The following RORB variants were observed in gnomAD, a reference collection of about 807,000 sequenced individuals.
The protein encoded by RORB is nuclear receptor ROR-beta.
A neutral mutation model predicts 59.1 loss-of-function variants in RORB; 6 were observed. That is an observed-to-expected ratio of 0.10 (90% confidence interval 0.06 to 0.20). The LOEUF (loss-of-function observed/expected upper bound fraction) is 0.20, where lower values mean the gene tolerates loss of function less well. Ranked by LOEUF, RORB falls within the 10% of genes least tolerant of loss-of-function variation. The pLI is 1.00. For missense variants in RORB, 320 were observed against 560.5 expected, an observed-to-expected ratio of 0.57 and a Z score of 4.33; for synonymous variants, 215 against 204.5, an observed-to-expected ratio of 1.05 and a Z score of -0.44.
chr9:74,662,358 A>T, intron 5 of RORB, 116 bp from the exon 6 acceptor site: 6 of 960,458 alleles, frequency 6.2e-6, no homozygotes, highest in Non-Finnish European at 9.5e-6. Context: ...GAATCATATA[A>T]ATTCCCTCCT....
At chr9:74,543,606 A>ATT (rs146569177) in intron 1 of RORB, among the ~76,000 whole-genome samples, 7 of 150,754 alleles carry the variant, frequency 4.6e-5, no homozygotes, top group Non-Finnish European at 7.4e-5. Context: ...TTTGAGTTTA[A>ATT]TTTTTTTTTT....
At chr9:74,521,350 G>GGAATTA (rs1826083085) in intron 1 of RORB, among the ~76,000 whole-genome samples, 1 of 151,756 alleles carries the variant, frequency 6.6e-6, no homozygotes, top group African/African-American at 2.4e-5. Context: ...ATTAACTAAA[G>GGAATTA]TGTTTCTTTT....
intron 3 of RORB, among the ~76,000 whole-genome samples, chr9:74,639,634 G>A (rs1823762258): frequency 6.6e-6 from 1 of 151,850 alleles, no homozygotes; most frequent in South Asian, 2.1e-4. Flanking sequence ...AAGTCGGAAA[G>A]TAGATCTACC....
chr9:74,638,606 TAAG>T (rs1477117017), intron 3 of RORB, among the ~76,000 whole-genome samples: 2 of 152,346 alleles, frequency 1.3e-5, no homozygotes, highest in South Asian at 2.1e-4. Flanking sequence ...TATGTAGTGA[TAAG>T]AAGAATGCTA....
chr9:74,500,800 T>C (rs1426833403), intron 1 of RORB, among the ~76,000 whole-genome samples: 1 of 152,126 alleles, frequency 6.6e-6, no homozygotes, highest in Non-Finnish European at 1.5e-5. Context: ...TTGACGTCCT[T>C]GTCCTGCCCC....
chr9:74,621,718 A>G, intron 1 of RORB, among the ~76,000 whole-genome samples: 1 of 152,210 alleles, frequency 6.6e-6, no homozygotes, highest in South Asian at 2.1e-4. Flanking sequence ...ATAAGCAAAC[A>G]TTCCATTTGT....
At chr9:74,585,139 G>A (rs1282004727) in intron 1 of RORB, among the ~76,000 whole-genome samples, 1 of 152,160 alleles carries the variant, frequency 6.6e-6, no homozygotes, top group Non-Finnish European at 1.5e-5. Flanking sequence ...ATAGATAAAT[G>A]CAGCCATTTT....
chr9:74,534,183 C>T (rs1826288443), intron 1 of RORB, among the ~76,000 whole-genome samples: 1 of 151,916 alleles, frequency 6.6e-6, no homozygotes, highest in Non-Finnish European at 1.5e-5. Flanking sequence ...AGACTAAATG[C>T]CTTTTAGCAC....
At chr9:74,639,072 A>T (rs1488535466) in intron 3 of RORB, among the ~76,000 whole-genome samples, 2 of 152,202 alleles carry the variant, frequency 1.3e-5, no homozygotes, top group African/African-American at 4.8e-5. Context: ...GCTTGTGATT[A>T]TGATGTCTGT....
chr9:74,536,169 T>C (rs1374261557), intron 1 of RORB, among the ~76,000 whole-genome samples: 5 of 152,072 alleles, frequency 3.3e-5, no homozygotes, highest in Admixed American at 6.6e-5. Flanking sequence ...AGATAATTAA[T>C]ATAACATCTT....
intron 9 of RORB, among the ~76,000 whole-genome samples, chr9:74,681,846 C>CAGTT (rs1824552715): frequency 6.6e-6 from 1 of 152,152 alleles, no homozygotes; most frequent in African/African-American, 2.4e-5. Context: ...TTGTGAGTCA[C>CAGTT]AGTTAGTAAA....
intron 5 of RORB, 131 bp downstream of exon 5, chr9:74,660,869 T>A: frequency 1.1e-6 from 1 of 891,534 alleles, no homozygotes; most frequent in Non-Finnish European, 1.7e-6. Flanking sequence ...GTTCGATACT[T>A]ACCAGCATCC....
At chr9:74,509,317 C>A (rs1825905015) in intron 1 of RORB, among the ~76,000 whole-genome samples, 1 of 151,834 alleles carries the variant, frequency 6.6e-6, no homozygotes. Flanking sequence ...TTTATCTTTC[C>A]ATAATTATTC....
chr9:74,503,505 C>A (rs1825829051), intron 1 of RORB, among the ~76,000 whole-genome samples: 1 of 151,864 alleles, frequency 6.6e-6, no homozygotes. Context: ...CCAGAGCATT[C>A]AAAGGGAAGA....
At chr9:74,637,778 CAT>C (rs1230418250) in intron 3 of RORB, among the ~76,000 whole-genome samples, 1 of 152,128 alleles carries the variant, frequency 6.6e-6, no homozygotes, top group African/African-American at 2.4e-5. Context: ...GCCCAATCCA[CAT>C]GTCACTATTT....
chr9:74,683,545 G>C (rs1188106443), intron 9 of RORB, among the ~76,000 whole-genome samples: 1 of 152,100 alleles, frequency 6.6e-6, no homozygotes, highest in African/African-American at 2.4e-5. Context: ...ACCCACTGCT[G>C]CAGCGACTCT....
chr9:74,522,786 G>A (rs1442171488), intron 1 of RORB, among the ~76,000 whole-genome samples: 2 of 151,726 alleles, frequency 1.3e-5, no homozygotes, highest in Non-Finnish European at 2.9e-5. Flanking sequence ...GTGCTCCACT[G>A]TACCCAGATA....
At chr9:74,604,374 A>G (rs1039573737) in intron 1 of RORB, among the ~76,000 whole-genome samples, 2 of 152,188 alleles carry the variant, frequency 1.3e-5, no homozygotes, top group African/African-American at 4.8e-5. Context: ...CACATCACCC[A>G]TCAACTGCCT....
At chr9:74,518,896 T>C (rs1826047519) in intron 1 of RORB, among the ~76,000 whole-genome samples, 1 of 151,978 alleles carries the variant, frequency 6.6e-6, no homozygotes, top group Admixed American at 6.6e-5. Context: ...TTCTCCAACT[T>C]GTTAGAATTA....
Sources: allele counts gnomAD v4.1 joint callset (sites outside exome capture counted in the v4.1 genomes callset), GRCh38; gene constraint gnomAD v4.1.1; transcripts MANE v1.5; gene names NCBI Gene and HGNC (gene_info 2026-07-23, HGNC 2026-07-21).